DBH: variants seen among roughly 807,000 people sequenced by gnomAD.
The protein encoded by DBH is dopamine beta-hydroxylase (dopamine beta-monooxygenase).
A neutral mutation model predicts 64.0 loss-of-function variants in DBH; 49 were observed. The observed-to-expected ratio is 0.77, with a 90% CI of 0.61 to 0.97. The LOEUF is 0.97. Ranked by LOEUF, DBH falls within the 50% of genes least tolerant of loss-of-function variation. The pLI is 0.00. For synonymous variants in DBH, 343 were observed against 347.1 expected (o/e 0.99, Z 0.13); for missense variants, 828 against 826.6 (o/e 1.00, Z -0.02).
chr9:133,642,140 A>T lies in DBH; in HGVS notation c.487-67A>T. Reference sequence around the variant, plus strand: ...AGGTGTGGGTGGGCAGGGATGTGGCATCCTCTCAGGAGCCCAACTCTGGGG... The same window carrying T: ...AGGTGTGGGTGGGCAGGGATGTGGCTTCCTCTCAGGAGCCCAACTCTGGGG... On this transcript the variant is annotated intron_variant, in intron 2 of 11. Coordinates refer to ENST00000393056, the MANE Select transcript of DBH (RefSeq NM_000787.4). 3 of 1,599,608 alleles carry T rather than the reference A, an allele frequency of 1.9e-6. No individual in the cohort carries two copies. In the South Asian group the frequency reaches 3.3e-5, roughly 18 times the overall value.
chr9:133,650,054 G>A (rs1832225574), intron 6 of DBH, among the ~76,000 whole-genome samples: 2 of 152,240 alleles, frequency 1.3e-5, no homozygotes, highest in Non-Finnish European at 2.9e-5. Flanking sequence ...GCCCAGAAGA[G>A]CATAGTCCTC....
chr9:133,639,758 C>T (rs1056654017), intron 1 of DBH, 88 bp from the exon 2 acceptor site: 14 of 1,417,436 alleles, frequency 9.9e-6, no homozygotes, highest in African/African-American at 1.4e-5. Context: ...GCAATGAATG[C>T]GGAGCTCTGC....
In DBH at chr9:133,649,827, C is replaced by T. The variant is rs74699462; in HGVS notation, c.1192-1807C>T. ...CCTTGGGGCCTTCGACCCCGCTGAC[C>T]GCTGACTGTGAGAACGCCTCTCTCC... On this transcript the variant is annotated intron_variant, in intron 6 of 11. Coordinates refer to ENST00000393056, the MANE Select transcript of DBH (RefSeq NM_000787.4). Among the ~76,000 whole-genome samples the T allele has an allele frequency of 1.9e-3, 297 of 152,372 alleles. 1 individual carries two copies. Among genetic ancestry groups the T allele is most frequent in the African/African-American group, 6.5e-3 (270 of 41,586 alleles).
chr9:133,658,415 A>G lies in DBH; in HGVS notation c.1822A>G (p.Thr608Ala). 1.9e-6 allele frequency: 3 copies of G among 1,612,030 alleles called. No individual in the cohort carries two copies. The highest frequency in any genetic ancestry group is 2.5e-6 in the Non-Finnish European group (3 of 1,179,062). ...TSQGRSPAGP[T>A]VVSIGGGKG ...CCAGGGCCGAAGCCCTGCTGGCCCCACCGTTGTCAGCATTGGTGGGGGCAA... is the reference window on the plus strand; with the variant it reads ...CCAGGGCCGAAGCCCTGCTGGCCCCGCCGTTGTCAGCATTGGTGGGGGCAA... Residue 608 changes from threonine to alanine, a missense_variant, in exon 12 of 12, where the codon ACC becomes GCC. Physicochemically the swap from Thr to Ala is moderately conservative, Grantham distance 58. Transcript: ENST00000393056.
At chr9:133,644,395 C>T in intron 5 of DBH, 75 bp downstream of exon 5, 2 of 1,199,688 alleles carry the variant, frequency 1.7e-6, no homozygotes, top group Non-Finnish European at 2.5e-6. Flanking sequence ...AAATCCCGCC[C>T]TTCGTCTGCC....
At position 133,636,693 on chromosome 9, in the gene DBH, G is replaced by T. The variant is rs200004135; in HGVS notation, c.322G>T (p.Asp108Tyr). ...ADLVVLWTDG[D>Y]TAYFADAWSD... is the part of the protein sequence containing the mutation. The stretch of plus-strand genomic sequence containing the variant: ...TCTCGTGGTGCTCTGGACCGATGGG[G>T]ACACTGCCTATTTTGCGGTGAGTCT... The change falls in exon 1 of 12, where the codon GAC becomes TAC. Residue 108 changes from aspartate (D) to tyrosine (Y), a missense_variant. Physicochemically the swap from Asp to Tyr is radical, Grantham distance 160. Transcript: ENST00000393056. 7.9e-5 allele frequency: 127 copies of T among 1,603,956 alleles called. 2 individuals are homozygous for T. In the Admixed American group the frequency reaches 2.1e-3, roughly 26 times the overall value.
intron 7 of DBH, among the ~76,000 whole-genome samples, 181 bp downstream of exon 7, chr9:133,651,958 C>T (rs562789765): frequency 2.0e-5 from 3 of 147,312 alleles, no homozygotes; most frequent in South Asian, 2.2e-4. Flanking sequence ...GGTGTCTGAT[C>T]GTAGGGAGGC....
chr9:133,642,497 CAGCCCTGCCT>C (rs1832129629), intron 3 of DBH, 33 bp downstream of exon 3: 5 of 1,578,170 alleles, frequency 3.2e-6, no homozygotes, highest in Non-Finnish European at 4.3e-6. Context: ...GGTCCTCGCC[CAGCCCTGCCT>C]TCCTCCCGGG....
chr9:133,647,865 C>T lies in DBH; in HGVS notation c.1044C>T (p.Gly348=), dbSNP rs771555903. Residue 348 remains glycine, a synonymous_variant, in exon 6 of 12, where the codon GGC becomes GGT. Transcript: ENST00000393056. ...TCCCAGGACGAAACGACTCCTCAGG[C>T]ATCCGCTTGTACTACACAGCCAAGC... The part of the protein sequence containing the change: ...LVIEGRNDSS[G]IRLYYTAKLR... 3 of 1,614,256 alleles carry T rather than the reference C, an allele frequency of 1.9e-6. No individual in the cohort carries two copies. The highest frequency in any genetic ancestry group is 2.5e-6 in the Non-Finnish European group (3 of 1,180,050).
At position 133,647,954 on chromosome 9, in the gene DBH, C is replaced by T. The variant is rs1372358474; in HGVS notation, c.1133C>T (p.Pro378Leu). The change falls in exon 6 of 12, where the codon CCA (proline) becomes CTA (leucine). Residue 378 changes from proline to leucine, a missense_variant. Transcript: ENST00000393056. ...GTGTACACGCCAGTGATGGCCATTC[C>T]ACCACGGGAGACCGCCTTCATCCTC... ...GLVYTPVMAI[P>L]PRETAFILTG... is the part of the protein sequence containing the mutation. The T allele has an allele frequency of 3.7e-6, 6 of 1,614,068 alleles. No homozygotes were observed. The highest frequency in any genetic ancestry group is 3.3e-5 in the Admixed American group (2 of 60,012).
intron 2 of DBH, 25 bp from the exon 3 acceptor site, chr9:133,642,182 C>G (rs1160897142): frequency 6.2e-7 from 1 of 1,611,460 alleles, no homozygotes; most frequent in East Asian, 2.2e-5. Flanking sequence ...AGAGGGCGAC[C>G]AGCTGAACCC....
At chr9:133,648,500 T>C (rs1034349613) in intron 6 of DBH, among the ~76,000 whole-genome samples, 2 of 152,244 alleles carry the variant, frequency 1.3e-5, no homozygotes, top group African/African-American at 4.8e-5. Context: ...TATTGAATAG[T>C]TAACAAATTT....
At chr9:133,648,094 G>A (rs577478786) in intron 6 of DBH, 82 bp downstream of exon 6, 2 of 1,487,414 alleles carry the variant, frequency 1.3e-6, no homozygotes, top group African/African-American at 2.8e-5. Context: ...GGCCCACGAA[G>A]GGTGGCAGGC....
chr9:133,650,982 C>T (rs1471802357), intron 6 of DBH, among the ~76,000 whole-genome samples: 3 of 152,218 alleles, frequency 2.0e-5, no homozygotes, highest in Admixed American at 6.5e-5. Flanking sequence ...TCTGTGAGGC[C>T]GGCCTGCAGC....
chr9:133,652,384 T>C, intron 8 of DBH, 100 bp downstream of exon 8: 2 of 1,442,938 alleles, frequency 1.4e-6, no homozygotes, highest in Non-Finnish European at 1.9e-6. Context: ...CAGAAAGTGA[T>C]AGGGGGAGGG....
intron 6 of DBH, among the ~76,000 whole-genome samples, chr9:133,649,094 C>T (rs943730826): frequency 1.3e-5 from 2 of 152,184 alleles, no homozygotes; most frequent in African/African-American, 4.8e-5. Flanking sequence ...GGGAGGAAGA[C>T]ATGTCAGTGT....
chr9:133,644,228 A>C lies in DBH; in HGVS notation c.932A>C (p.Tyr311Ser). Reference sequence around the variant, plus strand: ...CCTTGCCCCACACAGGCATTTTACTACCCAGAGGAAGCCGGCCTTGCCTTC... The same window carrying C: ...CCTTGCCCCACACAGGCATTTTACTCCCCAGAGGAAGCCGGCCTTGCCTTC... ...AWALGAKAFY[Y>S]PEEAGLAFGG... Residue 311 changes from tyrosine (Y) to serine (S), a missense_variant, in exon 5 of 12, where the codon TAC (tyrosine) becomes TCC (serine). Physicochemically the swap from Tyr to Ser is moderately radical, Grantham distance 144. Coordinates refer to ENST00000393056, the MANE Select transcript of DBH (RefSeq NM_000787.4). The C allele has an allele frequency of 6.2e-7, 1 of 1,613,776 alleles. No homozygotes were observed. The highest frequency in any genetic ancestry group is 8.5e-7 in the Non-Finnish European group (1 of 1,179,814).
rs1205951708 is a variant in DBH at position 133,658,925 on chromosome 9, T to C, written c.*478T>C. The C allele has an allele frequency of 6.6e-6, 1 of 152,666 alleles. No individual in the cohort carries two copies. The highest frequency in any genetic ancestry group is 2.4e-5 in the African/African-American group (1 of 41,446). 9.5% of individuals were successfully genotyped at this position (152,666 alleles called of 1,614,324 possible). The stretch of plus-strand genomic sequence containing the variant: ...CTGCTGAGTGGCTCGTGTTTCACAG[T>C]GGGCGGCTTCCCTGCGACGGAGGCA... On this transcript the variant is annotated 3_prime_UTR_variant, in exon 12 of 12. Coordinates refer to ENST00000393056, the MANE Select transcript of DBH (RefSeq NM_000787.4).
chr9:133,652,309 C>G (rs1378222181), intron 8 of DBH, 25 bp downstream of exon 8: 1 of 1,611,706 alleles, frequency 6.2e-7, no homozygotes, highest in East Asian at 2.2e-5. Flanking sequence ...GGAAGGCTGT[C>G]CCACTCACTG....
Sources: gnomAD v4.1 joint callset for allele counts (sites outside exome capture counted in the v4.1 genomes callset) on GRCh38, gnomAD v4.1.1 for gene constraint, MANE v1.5 for transcripts, NCBI Gene and HGNC (gene_info 2026-07-23, HGNC 2026-07-21) for gene names.